Variants in MCC observed in about 807,000 individuals in gnomAD.
MCC encodes the protein colorectal mutant cancer protein.
Under a neutral mutation model 116.2 loss-of-function variants are expected in MCC, and 90 were observed. That is an observed-to-expected ratio of 0.77 (90% CI 0.65 to 0.92). The LOEUF is 0.92. MCC is among the 40% of genes least tolerant of loss of function. The probability of loss-of-function intolerance (pLI) is 0.00; values close to 1 mark genes in which losing one functional copy is unlikely to be tolerated. For missense variants in MCC, 1,516 were observed against 1,312.2 expected, an observed-to-expected ratio of 1.16 and a Z score of -2.40; for synonymous variants, 578 against 510.5, an observed-to-expected ratio of 1.13 and a Z score of -1.78.
intron 3 of MCC, among the ~76,000 whole-genome samples, chr5:113,261,356 A>C (rs1444425971): frequency 1.3e-5 from 2 of 152,212 alleles, no homozygotes. Context: ...CTTTAGCACT[A>C]TCCCATCATA....
chr5:113,369,153 T>G (rs1225709348), intron 2 of MCC, among the ~76,000 whole-genome samples: 1 of 152,134 alleles, frequency 6.6e-6, no homozygotes, highest in Non-Finnish European at 1.5e-5. Flanking sequence ...TAGGCATGAT[T>G]GATTATCACT....
intron 11 of MCC, among the ~76,000 whole-genome samples, chr5:113,081,601 T>C (rs921046608): frequency 2.0e-5 from 3 of 152,178 alleles, no homozygotes; most frequent in Admixed American, 2.0e-4. Context: ...TGAAGGCATC[T>C]GACTTCATTA....
intron 8 of MCC, among the ~76,000 whole-genome samples, chr5:113,094,456 C>T (rs544968408): frequency 2.0e-5 from 3 of 149,220 alleles, no homozygotes; most frequent in South Asian, 4.3e-4. Context: ...GAATCTCACA[C>T]GTTGCCTAGG....
rs73778907 is a variant in MCC, at chr5:113,062,125, T to A, written c.2213+1859A>T. Among the ~76,000 whole-genome samples the A allele has an allele frequency of 7.3e-3, 1,109 of 152,252 alleles. 12 individuals are homozygous for A. Among genetic ancestry groups the A allele is most frequent in the African/African-American group, 0.025 (1,045 of 41,538 alleles). On this transcript the variant is annotated intron_variant, in intron 14 of 18. Transcript: ENST00000408903. The stretch of plus-strand genomic sequence containing the variant: ...ATTTTTTAAGGAGAATTGGGTGACA[T>A]TGGAGCTAAAGACCTCTGTACTTTG...
Position 113,027,220 on chromosome 5 carries a change from A to T in MCC, c.*82T>A. 1 of 1,458,846 alleles carries T rather than the reference A, an allele frequency of 6.9e-7. No homozygotes were observed. Among genetic ancestry groups the T allele is most frequent in the Non-Finnish European group, 9.3e-7 (1 of 1,075,900 alleles). 90.4% of individuals were successfully genotyped at this position (1,458,846 alleles called of 1,614,324 possible). On this transcript the variant is annotated 3_prime_UTR_variant, in exon 19 of 19. Transcript: ENST00000408903. ...CAGCCTTCCCTTTCCTCCTCCTCCCAACAAGTACATGGGCCCTTCTGTCCC... is the reference window on the plus strand; with the variant it reads ...CAGCCTTCCCTTTCCTCCTCCTCCCTACAAGTACATGGGCCCTTCTGTCCC...
At chr5:113,299,116 C>T (rs1454802954) in intron 3 of MCC, among the ~76,000 whole-genome samples, 4 of 151,596 alleles carry the variant, frequency 2.6e-5, no homozygotes, top group South Asian at 2.1e-4. Flanking sequence ...GTGAAACCCC[C>T]GTCTCTACTA....
intron 14 of MCC, among the ~76,000 whole-genome samples, chr5:113,058,863 G>A (rs1753016251): frequency 6.6e-6 from 1 of 152,192 alleles, no homozygotes; most frequent in African/African-American, 2.4e-5. Flanking sequence ...CCACTTTCCT[G>A]ATGGCTTTGC....
At chr5:113,419,022 G>A (rs1173886123) in intron 1 of MCC, among the ~76,000 whole-genome samples, 2 of 152,152 alleles carry the variant, frequency 1.3e-5, no homozygotes, top group Non-Finnish European at 2.9e-5. Context: ...TTGGGAAAAA[G>A]TTTGGCAATT....
chr5:113,455,913 A>T (rs1771529540), intron 1 of MCC, among the ~76,000 whole-genome samples: 1 of 152,244 alleles, frequency 6.6e-6, no homozygotes, highest in South Asian at 2.1e-4. Context: ...ATATTTTGGA[A>T]ATAAAGAGAG....
At chr5:113,180,424 C>T (rs1761565448) in intron 3 of MCC, among the ~76,000 whole-genome samples, 2 of 152,108 alleles carry the variant, frequency 1.3e-5, no homozygotes, top group South Asian at 2.1e-4. Flanking sequence ...ACTTGTTACC[C>T]CTTATAGGCA....
At chr5:113,408,658 C>A (rs1161278464) in intron 1 of MCC, among the ~76,000 whole-genome samples, 1 of 152,206 alleles carries the variant, frequency 6.6e-6, no homozygotes, top group Non-Finnish European at 1.5e-5. Context: ...CTGAATGAGA[C>A]TCCTGAAGTG....
In MCC at chr5:113,049,306, A is replaced by AG. The variant is rs200965493; in HGVS notation, c.2449-8_2449-7insC. ...TCAACTCGGCCATCTCCTCCTACAGACAAAGGAGCACAGAGCACATGAGGC... is the reference window on the plus strand; with the variant it reads ...TCAACTCGGCCATCTCCTCCTACAGAGCAAAGGAGCACAGAGCACATGAGGC... On this transcript the variant is annotated splice_region_variant and splice_polypyrimidine_tract_variant and intron_variant, in intron 15 of 18. Transcript: ENST00000408903. The AG allele has an allele frequency of 1.3e-6, 2 of 1,563,264 alleles. No homozygotes were observed. The highest frequency in any genetic ancestry group is 8.7e-7 in the Non-Finnish European group (1 of 1,152,356).
chr5:113,254,192 T>G (rs963752215), intron 3 of MCC, among the ~76,000 whole-genome samples: 1 of 152,210 alleles, frequency 6.6e-6, no homozygotes, highest in African/African-American at 2.4e-5. Context: ...AAGATTATTT[T>G]AAACTCAGAA....
At chr5:113,059,537 C>T (rs971580213) in intron 14 of MCC, among the ~76,000 whole-genome samples, 1 of 152,220 alleles carries the variant, frequency 6.6e-6, no homozygotes, top group Non-Finnish European at 1.5e-5. Flanking sequence ...GGGAATCAAT[C>T]ACTTTCTGTG....
chr5:113,071,364 G>A, intron 11 of MCC, 130 bp from the exon 12 acceptor site: 1 of 908,528 alleles, frequency 1.1e-6, no homozygotes, highest in East Asian at 2.5e-5. Flanking sequence ...AGCTGACACA[G>A]TATTTTGTCA....
At chr5:113,075,075 C>T (rs1226001458) in intron 11 of MCC, among the ~76,000 whole-genome samples, 10 of 152,148 alleles carry the variant, frequency 6.6e-5, no homozygotes, top group Admixed American at 2.6e-4. Context: ...GCGTGGCACT[C>T]GTGGGCCAGC....
intron 3 of MCC, among the ~76,000 whole-genome samples, chr5:113,244,634 G>C (rs1008187539): frequency 6.6e-6 from 1 of 152,148 alleles, no homozygotes; most frequent in African/African-American, 2.4e-5. Context: ...CAAATGGAAG[G>C]AAACAAAATT....
At chr5:113,129,791 T>A (rs78026240) in intron 5 of MCC, among the ~76,000 whole-genome samples, 5,623 of 152,224 alleles carry the variant, frequency 0.037, 348 homozygotes, top group African/African-American at 0.13. Context: ...CAAGATACTA[T>A]CTCACACCAG....
chr5:113,097,235 G>C (rs936230486), intron 8 of MCC, among the ~76,000 whole-genome samples: 4 of 151,922 alleles, frequency 2.6e-5, no homozygotes, highest in African/African-American at 4.8e-5. Flanking sequence ...AATTAAAGAG[G>C]ACAAAGAAGA....
Sources: gnomAD v4.1 joint callset for allele counts (sites outside exome capture counted in the v4.1 genomes callset) on GRCh38, gnomAD v4.1.1 for gene constraint, MANE v1.5 for transcripts, NCBI Gene and HGNC (gene_info 2026-07-23, HGNC 2026-07-21) for gene names.